AMBRA1: variants seen among roughly 807,000 people sequenced by gnomAD.
AMBRA1 encodes activating molecule in BECN1-regulated autophagy protein 1.
AMBRA1 carries 47 observed loss-of-function variants against 125.4 expected under a neutral mutation model. That is an observed-to-expected ratio of 0.37 (90% CI 0.30 to 0.48). AMBRA1 has a LOEUF of 0.48. Ranked by LOEUF, AMBRA1 falls within the 20% of genes least tolerant of loss-of-function variation. The pLI, the probability that AMBRA1 is intolerant of heterozygous loss-of-function variation, is 0.99. For missense variants in AMBRA1, 1,331 were observed against 1,693.4 expected, an observed-to-expected ratio of 0.79 and a Z score of 3.76; for synonymous variants, 626 against 655.5, an observed-to-expected ratio of 0.95 and a Z score of 0.69.
chr11:46,548,297 A>G lies in AMBRA1; in HGVS notation c.84T>C (p.Leu28=). 1 of 1,614,138 alleles carries G rather than the reference A, an allele frequency of 6.2e-7. No individual in the cohort carries two copies. The highest frequency in any genetic ancestry group is 8.5e-7 in the Non-Finnish European group (1 of 1,180,022). The part of the protein sequence containing the change: ...RGARAMGAQR[L]LQELVEDKTR... ...TTTTATCTTCTACCAGCTCCTGCAG[A>G]AGCCGCTGAGCTCCCATGGCCCGAG... is the stretch of plus-strand genomic sequence containing the variant. The change falls in exon 2 of 18, where the codon CTT becomes CTC. Residue 28 remains leucine (L), a synonymous_variant. Transcript: ENST00000683756.
intron 17 of AMBRA1, among the ~76,000 whole-genome samples, chr11:46,407,015 C>G (rs1946054499): frequency 6.6e-6 from 1 of 151,820 alleles, no homozygotes; most frequent in East Asian, 2.0e-4. Flanking sequence ...CCTGTCTCTA[C>G]TAAAAATACA....
intron 11 of AMBRA1, among the ~76,000 whole-genome samples, chr11:46,450,273 C>T (rs1302755913): frequency 6.6e-6 from 1 of 151,932 alleles, no homozygotes; most frequent in Non-Finnish European, 1.5e-5. Context: ...CATGGAGGAA[C>T]CTTAAGTGCA....
chr11:46,500,254 G>A (rs1258137881), intron 9 of AMBRA1, among the ~76,000 whole-genome samples: 3 of 152,132 alleles, frequency 2.0e-5, no homozygotes, highest in Non-Finnish European at 2.9e-5. Context: ...TTCAAAACTG[G>A]ATCCAGTAAG....
intron 1 of AMBRA1, among the ~76,000 whole-genome samples, chr11:46,580,711 A>G (rs2044139331): frequency 1.3e-5 from 2 of 152,148 alleles, no homozygotes; most frequent in Non-Finnish European, 2.9e-5. Context: ...GACCACTGCA[A>G]TACTTCCTAA....
intron 7 of AMBRA1, chr11:46,530,603 T>C (rs1416021449): frequency 1.3e-5 from 2 of 152,270 alleles, no homozygotes; most frequent in Middle Eastern, 3.4e-3. Flanking sequence ...TAGTCCAAAC[T>C]AGAGAGAGAG....
chr11:46,421,693 G>T (rs1946855924), intron 14 of AMBRA1, among the ~76,000 whole-genome samples: 2 of 152,198 alleles, frequency 1.3e-5, no homozygotes, highest in Non-Finnish European at 2.9e-5. Context: ...CCTCACTGAA[G>T]GGAAATACCT....
chr11:46,494,026 TGC>T, intron 10 of AMBRA1, 96 bp downstream of exon 10: 1 of 1,203,510 alleles, frequency 8.3e-7, no homozygotes, highest in Non-Finnish European at 1.2e-6. Context: ...TAGGAAACAA[TGC>T]CAGATGTGGA....
intron 1 of AMBRA1, among the ~76,000 whole-genome samples, chr11:46,579,180 G>A (rs768283518): frequency 1.6e-4 from 24 of 151,720 alleles, no homozygotes; most frequent in Non-Finnish European, 2.8e-4. Flanking sequence ...AAAAAGGGCC[G>A]GGCATGGTGG....
chr11:46,462,696 C>G (rs578073125), intron 11 of AMBRA1, among the ~76,000 whole-genome samples: 85 of 152,156 alleles, frequency 5.6e-4, no homozygotes, highest in African/African-American at 1.9e-3. Flanking sequence ...TCAATGTTTA[C>G]TAAAATCCCC....
At chr11:46,569,992 T>C (rs1406580676) in intron 1 of AMBRA1, among the ~76,000 whole-genome samples, 1 of 151,022 alleles carries the variant, frequency 6.6e-6, no homozygotes, top group Non-Finnish European at 1.5e-5. Context: ...CCAGGCACGG[T>C]GGCTCACGCC....
At chr11:46,497,332 A>G (rs770537126) in intron 9 of AMBRA1, among the ~76,000 whole-genome samples, 6 of 152,194 alleles carry the variant, frequency 3.9e-5, no homozygotes, top group African/African-American at 4.8e-5. Context: ...AAATACACGC[A>G]GTCTCAGACT....
At chr11:46,489,396 G>A (rs561458687) in intron 11 of AMBRA1, among the ~76,000 whole-genome samples, 1 of 151,988 alleles carries the variant, frequency 6.6e-6, no homozygotes, top group Non-Finnish European at 1.5e-5. Flanking sequence ...CACCTGCCTC[G>A]GCCTCCCAAA....
At position 46,577,879 on chromosome 11, in the gene AMBRA1, G is replaced by C. The variant is rs533603597; in HGVS notation, c.-121+15949C>G. Reference sequence around the variant, plus strand: ...GCAGGAGAATCACTTGAACCCAGGAGGAGGAGGTTGCAGTGAGCCGATATA... The same window carrying C: ...GCAGGAGAATCACTTGAACCCAGGACGAGGAGGTTGCAGTGAGCCGATATA... On this transcript the variant is annotated intron_variant, in intron 1 of 17. Coordinates refer to ENST00000683756, the MANE Select transcript of AMBRA1 (RefSeq NM_001387011.1). Among the ~76,000 whole-genome samples the C allele has an allele frequency of 2.0e-5, 3 of 152,306 alleles. No homozygotes were observed. The South Asian group carries it at 6.2e-4, about 32-fold the overall frequency.
intron 16 of AMBRA1, 66 bp downstream of exon 16, chr11:46,410,210 C>T: frequency 6.7e-7 from 1 of 1,490,288 alleles, no homozygotes; most frequent in Non-Finnish European, 9.4e-7. Context: ...GCTTAAGAGC[C>T]CATCAAAAGC....
chr11:46,589,004 T>C (rs1489355235), intron 1 of AMBRA1, among the ~76,000 whole-genome samples: 1 of 152,078 alleles, frequency 6.6e-6, no homozygotes, highest in Non-Finnish European at 1.5e-5. Context: ...AAGTAATAAA[T>C]GAAATAACAC....
chr11:46,424,946 C>T (rs1349331297), intron 14 of AMBRA1, among the ~76,000 whole-genome samples: 1 of 152,002 alleles, frequency 6.6e-6, no homozygotes, highest in African/African-American at 2.4e-5. Flanking sequence ...ACCAGCCTGA[C>T]CAAGATGGTG....
In AMBRA1 at chr11:46,433,465, G is replaced by A. The variant is rs2136708012; in HGVS notation, c.2976+9C>T. The A allele has an allele frequency of 6.2e-7, 1 of 1,613,206 alleles. No individual in the cohort carries two copies. The highest frequency in any genetic ancestry group is 8.5e-7 in the Non-Finnish European group (1 of 1,179,466). Reference sequence around the variant, plus strand: ...GCCATACAGTGAAGGCACAAGCAATGGCACTCACCCTCATGGAGGTCTCTC... The same window carrying A: ...GCCATACAGTGAAGGCACAAGCAATAGCACTCACCCTCATGGAGGTCTCTC... On this transcript the variant is annotated intron_variant, in intron 14 of 17. Transcript: ENST00000683756.
intron 11 of AMBRA1, among the ~76,000 whole-genome samples, chr11:46,471,219 A>G (rs1404121447): frequency 2.6e-5 from 4 of 152,116 alleles, no homozygotes. Context: ...GGGCGGGCGG[A>G]TCACTTGAAA....
chr11:46,440,155 T>C (rs1565160729), intron 12 of AMBRA1, among the ~76,000 whole-genome samples: 1 of 152,186 alleles, frequency 6.6e-6, no homozygotes, highest in African/African-American at 2.4e-5. Context: ...CAGCACAGTT[T>C]GTAGAGTAAA....
Sources: gnomAD v4.1 joint callset for allele counts (sites outside exome capture counted in the v4.1 genomes callset) on GRCh38, gnomAD v4.1.1 for gene constraint, MANE v1.5 for transcripts, NCBI Gene and HGNC (gene_info 2026-07-23, HGNC 2026-07-21) for gene names.